The following CPPED1 variants were observed in gnomAD, a reference collection of about 807,000 sequenced individuals.
CPPED1 encodes the protein serine/threonine-protein phosphatase CPPED1.
In CPPED1, 28 loss-of-function variants were observed where a neutral mutation model predicts 28.0. The ratio of observed to expected loss-of-function variants is 1.00; its 90% CI spans 0.74 to 1.37. CPPED1 has a LOEUF of 1.37. CPPED1 is among the 40% of genes most tolerant of loss of function. The pLI, the probability that CPPED1 is intolerant of heterozygous loss-of-function variation, is 0.00. For synonymous variants in CPPED1, 198 were observed against 180.2 expected, an observed-to-expected ratio of 1.10 and a Z score of -0.79; for missense variants, 504 against 416.5, an observed-to-expected ratio of 1.21 and a Z score of -1.83.
At chr16:12,733,331 G>T (rs2080209302) in intron 2 of CPPED1, among the ~76,000 whole-genome samples, 1 of 147,568 alleles carries the variant, frequency 6.8e-6, no homozygotes, top group Admixed American at 7.0e-5. Context: ...CTGGAATGCA[G>T]TGGCACAATC....
intron 3 of CPPED1, among the ~76,000 whole-genome samples, chr16:12,671,205 T>C (rs2079851194): frequency 6.6e-6 from 1 of 152,340 alleles, no homozygotes; most frequent in East Asian, 1.9e-4. Context: ...CATTAACATA[T>C]TATATCAGAA....
intron 2 of CPPED1, among the ~76,000 whole-genome samples, chr16:12,740,084 A>T: frequency 6.6e-6 from 1 of 151,086 alleles, no homozygotes; most frequent in East Asian, 1.9e-4. Flanking sequence ...GAAAGGAAAG[A>T]AAGGAAAGGA....
intron 1 of CPPED1, among the ~76,000 whole-genome samples, chr16:12,782,793 C>T (rs1018815303): frequency 1.3e-5 from 2 of 151,976 alleles, no homozygotes; most frequent in South Asian, 4.2e-4. Context: ...ATCGCTTGAA[C>T]CCGGAAGGCG....
intron 2 of CPPED1, chr16:12,757,597 G>A (rs1228310562): frequency 7.0e-6 from 1 of 143,672 alleles, no homozygotes; most frequent in Non-Finnish European, 1.5e-5. Flanking sequence ...ATGTAAGGGG[G>A]CCCGTGCCTG....
intron 3 of CPPED1, among the ~76,000 whole-genome samples, chr16:12,687,304 G>C (rs1224133765): frequency 3.3e-5 from 5 of 152,000 alleles, no homozygotes; most frequent in Admixed American, 3.3e-4. Context: ...CATCTTGTAA[G>C]ATCTGTCTTT....
At position 12,664,871 on chromosome 16, in the gene CPPED1, G is replaced by C. The variant is rs2079816002; in HGVS notation, c.*15C>G. Reference sequence around the variant, plus strand: ...AATAGTGCAAGTGAAAAGTGAACGGGAACGGGAAGGAGCGTCATTTTTTCT... The same window carrying C: ...AATAGTGCAAGTGAAAAGTGAACGGCAACGGGAAGGAGCGTCATTTTTTCT... On this transcript the variant is annotated 3_prime_UTR_variant, in exon 4 of 4. Coordinates refer to ENST00000381774, the MANE Select transcript of CPPED1 (RefSeq NM_018340.3). This position sits in a 1 kb window ranked among gnomAD's most constrained non-coding sequence, Gnocchi z 4.2. 1 of 1,609,044 alleles carries C rather than the reference G, an allele frequency of 6.2e-7. No homozygotes were observed. Among genetic ancestry groups the C allele is most frequent in the Non-Finnish European group, 8.5e-7 (1 of 1,178,452 alleles).
At chr16:12,686,241 A>AC (rs2079932519) in intron 3 of CPPED1, among the ~76,000 whole-genome samples, 1 of 106,898 alleles carries the variant, frequency 9.4e-6, no homozygotes, top group African/African-American at 4.1e-5. Context: ...ATATATATAT[A>AC]TTTTTTTTTT....
intron 2 of CPPED1, among the ~76,000 whole-genome samples, chr16:12,741,668 C>T (rs763282174): frequency 1.8e-4 from 28 of 152,112 alleles, no homozygotes; most frequent in African/African-American, 6.0e-4. Flanking sequence ...CAGTTAACTG[C>T]GCTACACTTT....
chr16:12,730,904 A>C (rs920568150), intron 2 of CPPED1, among the ~76,000 whole-genome samples: 1 of 152,148 alleles, frequency 6.6e-6, no homozygotes, highest in Non-Finnish European at 1.5e-5. Context: ...TTAGTTCCTG[A>C]GAAACCTCAA....
intron 2 of CPPED1, among the ~76,000 whole-genome samples, chr16:12,733,050 A>C (rs2080207473): frequency 6.6e-6 from 1 of 152,130 alleles, no homozygotes; most frequent in South Asian, 2.1e-4. Context: ...TATTATTTTA[A>C]ATTTATTGAC....
chr16:12,736,174 G>A (rs1210207315), intron 2 of CPPED1, among the ~76,000 whole-genome samples: 13 of 152,166 alleles, frequency 8.5e-5, no homozygotes, highest in African/African-American at 2.4e-4. Context: ...GAAGTGGGCT[G>A]TAGACTGTGT....
intron 2 of CPPED1, among the ~76,000 whole-genome samples, chr16:12,764,577 G>C (rs1180643200): frequency 1.3e-5 from 2 of 152,110 alleles, no homozygotes; most frequent in Non-Finnish European, 2.9e-5. Flanking sequence ...TGACCTAAGT[G>C]ATCCTTCTGC....
intron 3 of CPPED1, 71 bp from the exon 4 acceptor site, chr16:12,665,186 T>C (rs1485393476): frequency 1.5e-6 from 2 of 1,377,246 alleles, no homozygotes; most frequent in South Asian, 2.8e-5. Flanking sequence ...TCCAGCATTT[T>C]ATTCTGTGAA....
chr16:12,765,734 T>C (rs2080434393), intron 2 of CPPED1, among the ~76,000 whole-genome samples: 2 of 152,216 alleles, frequency 1.3e-5, no homozygotes. Context: ...ACTTAGGAAC[T>C]GGGGAAAAAC....
intron 2 of CPPED1, among the ~76,000 whole-genome samples, chr16:12,719,534 G>A (rs2080127201): frequency 6.6e-6 from 1 of 152,140 alleles, no homozygotes; most frequent in Non-Finnish European, 1.5e-5. Flanking sequence ...AACTGGATGT[G>A]GTCTCCAGGA....
chr16:12,771,844 C>G (rs1474320548), intron 2 of CPPED1, among the ~76,000 whole-genome samples: 1 of 152,180 alleles, frequency 6.6e-6, no homozygotes, highest in African/African-American at 2.4e-5. Flanking sequence ...CAGTGGGGGT[C>G]AGGCATGGTG....
intron 1 of CPPED1, among the ~76,000 whole-genome samples, chr16:12,791,839 G>A (rs76339057): frequency 0.015 from 2,248 of 152,256 alleles, 70 homozygotes; most frequent in African/African-American, 0.05. Context: ...AGTCTGGCAC[G>A]TGGCAGGCAT....
In CPPED1 at chr16:12,777,633, C is replaced by T. The variant is rs905200483; in HGVS notation, c.289+3552G>A. On this transcript the variant is annotated intron_variant, in intron 2 of 3. Coordinates refer to ENST00000381774, the MANE Select transcript of CPPED1 (RefSeq NM_018340.3). The stretch of plus-strand genomic sequence containing the variant: ...ATGGACTTTGTGTGAAACAAAGAAG[C>T]CTGTATCTCTTAAGGATTTTCCTAT... Among the ~76,000 whole-genome samples, 3 of 152,112 alleles carry T rather than the reference C, an allele frequency of 2.0e-5. 1 individual carries two copies. Among genetic ancestry groups the T allele is most frequent in the Non-Finnish European group, 4.4e-5 (3 of 68,008 alleles).
chr16:12,704,657 G>T lies in CPPED1; in HGVS notation c.682C>A (p.Arg228=), dbSNP rs1284805365. The T allele has an allele frequency of 3.7e-6, 6 of 1,612,760 alleles. No individual in the cohort carries two copies. The highest frequency in any genetic ancestry group is 2.2e-5 in the South Asian group (2 of 91,016). Residue 228 remains arginine, a synonymous_variant, in exon 3 of 4, where the codon CGG becomes AGG. Transcript: ENST00000381774. The stretch of plus-strand genomic sequence containing the variant: ...ATGAACTTGTCTGCCAACTTCTTCC[G>T]AGTGGACTTGCTGAGGTTGAAGTAG... ...DYYFNLSKST[R]KKLADKFIHA... is the part of the protein sequence containing the mutation.
Sources: gnomAD v4.1 joint callset for allele counts (sites outside exome capture counted in the v4.1 genomes callset) on GRCh38, gnomAD v4.1.1 for gene constraint, Gnocchi (gnomAD v3.1) non-coding constraint, MANE v1.5 for transcripts, NCBI Gene and HGNC (gene_info 2026-07-23, HGNC 2026-07-21) for gene names.